Variants in OC90 observed in about 807,000 individuals in gnomAD.
The protein encoded by OC90 is otoconin 90, also known as otoconin-90.
Under a neutral mutation model 47.3 loss-of-function variants are expected in OC90, and 46 were observed. The observed-to-expected ratio is 0.97, with a 90% CI of 0.77 to 1.24. The LOEUF (loss-of-function observed/expected upper bound fraction) is 1.24, where lower values mean the gene tolerates loss of function less well. Ranked by LOEUF, OC90 falls within the 50% of genes most tolerant of loss-of-function variation. OC90 has a pLI of 0.00. For synonymous variants in OC90, 271 were observed against 219.5 expected (o/e 1.23, Z -2.07); for missense variants, 688 against 583.9 (o/e 1.18, Z -1.84).
intron 3 of OC90, among the ~76,000 whole-genome samples, chr8:132,045,058 T>C (rs960776055): frequency 2.0e-5 from 3 of 152,224 alleles, no homozygotes; most frequent in African/African-American, 4.8e-5. Flanking sequence ...TGGCATGCTG[T>C]GTTCCTTAGC....
chr8:132,032,250 G>C (rs1305752120), intron 11 of OC90, among the ~76,000 whole-genome samples, 198 bp from the exon 12 acceptor site: 2 of 152,174 alleles, frequency 1.3e-5, no homozygotes, highest in Admixed American at 6.5e-5. Context: ...GTCTTTCGGA[G>C]AGCAAGTCTT....
intron 3 of OC90, among the ~76,000 whole-genome samples, chr8:132,044,805 G>A (rs1448562469): frequency 6.6e-6 from 1 of 152,212 alleles, no homozygotes; most frequent in Non-Finnish European, 1.5e-5. Context: ...CTCATTCAGT[G>A]TGATGACTCT....
In OC90 at chr8:132,024,553, G is replaced by A. The variant is rs1446583281; in HGVS notation, c.1362C>T (p.Asp454=). Residue 454 remains aspartate, a synonymous_variant, in exon 14 of 14, where the codon GAC becomes GAT. Transcript: ENST00000254627. Reference sequence around the variant, plus strand: ...GCAGAAACCTCTTGGCTCTGCCGAGGTCCTCCTGTGGAGGGTCCTCCTCGC... The same window carrying A: ...GCAGAAACCTCTTGGCTCTGCCGAGATCCTCCTGTGGAGGGTCCTCCTCGC... ...EDSEEDPPQE[D]LGRAKRFLRK... 6.2e-7 allele frequency: 1 copy of A among 1,609,972 alleles called. No individual in the cohort carries two copies. Among genetic ancestry groups the A allele is most frequent in the East Asian group, 2.2e-5 (1 of 44,762 alleles).
chr8:132,046,581 G>A (rs776650453), intron 2 of OC90, among the ~76,000 whole-genome samples: 27 of 152,122 alleles, frequency 1.8e-4, no homozygotes, highest in Admixed American at 1.5e-3. Context: ...ATGCAGCCTG[G>A]GCTAATGGGA....
chr8:132,048,999 C>T (rs1586715170), intron 2 of OC90, among the ~76,000 whole-genome samples: 1 of 151,596 alleles, frequency 6.6e-6, no homozygotes, highest in East Asian at 1.9e-4. Flanking sequence ...AGAGGTAATT[C>T]CATGATGAAT....
chr8:132,050,081 CA>C (rs1344702008), intron 2 of OC90, among the ~76,000 whole-genome samples: 2 of 152,286 alleles, frequency 1.3e-5, no homozygotes, highest in Non-Finnish European at 2.9e-5. Context: ...ACTTAACTCT[CA>C]AAGCCTCATT....
intron 6 of OC90, among the ~76,000 whole-genome samples, chr8:132,039,805 G>A (rs1823026969): frequency 6.6e-6 from 1 of 152,106 alleles, no homozygotes; most frequent in Non-Finnish European, 1.5e-5. Context: ...TGCAAGGATG[G>A]CTTCCTGCCC....
chr8:132,050,769 G>A (rs553291074), intron 2 of OC90, among the ~76,000 whole-genome samples: 1 of 152,248 alleles, frequency 6.6e-6, no homozygotes, highest in Non-Finnish European at 1.5e-5. Flanking sequence ...GGGAGGCCGA[G>A]GCAGGCAGAT....
At chr8:132,050,654 A>C (rs1310863333) in intron 2 of OC90, among the ~76,000 whole-genome samples, 1 of 152,118 alleles carries the variant, frequency 6.6e-6, no homozygotes, top group African/African-American at 2.4e-5. Flanking sequence ...AAATGAGACA[A>C]TTGTATCTGC....
At chr8:132,053,166 C>G (rs1823239005) in intron 2 of OC90, among the ~76,000 whole-genome samples, 1 of 152,086 alleles carries the variant, frequency 6.6e-6, no homozygotes, top group East Asian at 1.9e-4. Flanking sequence ...CTGCCTGACC[C>G]CCAATCTGGC....
Position 132,033,147 on chromosome 8 carries a change from C to A in OC90, c.751G>T (p.Ala251Ser). The change falls in exon 11 of 14, where the codon GCA becomes TCA. Residue 251 changes from alanine to serine, a missense_variant. Ala to Ser is a moderately conservative substitution (Grantham distance 99, BLOSUM62 1). Coordinates refer to ENST00000254627, the MANE Select transcript of OC90 (RefSeq NM_001080399.3). ...ACAATTTTAGCTGTAACCCTTGTTG[C>A]AACTATCTCTGCAGATCCTGAAAAT... The part of the protein sequence containing the change: ...TSPPGSAEIV[A>S]TRVTAKIVTL... 6.2e-7 allele frequency: 1 copy of A among 1,606,306 alleles called. No homozygotes were observed. The highest frequency in any genetic ancestry group is 2.2e-5 in the East Asian group (1 of 44,734).
chr8:132,041,540 A>C lies in OC90; in HGVS notation c.329T>G (p.Val110Gly). The C allele has an allele frequency of 6.2e-7, 1 of 1,611,628 alleles. No homozygotes were observed. Among genetic ancestry groups the C allele is most frequent in the East Asian group, 2.2e-5 (1 of 44,784 alleles). Residue 110 changes from valine (V) to glycine (G), a missense_variant, in exon 5 of 14, where the codon GTG becomes GGG. Transcript: ENST00000254627. ...TCRFEMEGLP[V>G]DESDSCCFQH... ...ACTCACTTACCTGTCAGATTCATCC[A>C]CAGGCAACCCTTCCATCTCAAACCT...
intron 9 of OC90, chr8:132,036,373 T>C (rs776848260): frequency 1.3e-6 from 1 of 780,746 alleles, no homozygotes; most frequent in Non-Finnish European, 2.4e-6. Flanking sequence ...CTGCTTACTT[T>C]TCTTGGAGAG....
intron 9 of OC90, among the ~76,000 whole-genome samples, chr8:132,036,641 C>G (rs1822969091): frequency 6.6e-6 from 1 of 152,222 alleles, no homozygotes; most frequent in Admixed American, 6.5e-5. Context: ...CAAATGCCAT[C>G]TTCAGGGGTG....
chr8:132,040,998 C>T (rs757699808), intron 6 of OC90, 46 bp downstream of exon 6: 3 of 1,152,466 alleles, frequency 2.6e-6, no homozygotes, highest in East Asian at 2.3e-5. Context: ...GATCCCTGGA[C>T]TGTCATTTCT....
At chr8:132,044,614 G>A in intron 3 of OC90, 125 bp from the exon 4 acceptor site, 1 of 633,074 alleles carries the variant, frequency 1.6e-6, no homozygotes. Flanking sequence ...TTGACCTTGG[G>A]CTAAGCTAGC....
chr8:132,047,163 C>T (rs748741492), intron 2 of OC90, among the ~76,000 whole-genome samples: 1 of 152,186 alleles, frequency 6.6e-6, no homozygotes, highest in Non-Finnish European at 1.5e-5. Flanking sequence ...GGAGACAAAA[C>T]CACCACTGGT....
intron 13 of OC90, among the ~76,000 whole-genome samples, chr8:132,028,861 G>A (rs553102898): frequency 1.5e-5 from 2 of 131,638 alleles, no homozygotes; most frequent in African/African-American, 2.9e-5. Context: ...GAAAGAGGAA[G>A]GAAGGAAGGG....
At chr8:132,028,555 AAAGAAAGAAAGGAAGGAAGGAAGGAAGG>A (rs1822801095) in intron 13 of OC90, among the ~76,000 whole-genome samples, 3 of 16,518 alleles carry the variant, frequency 1.8e-4, no homozygotes, top group Non-Finnish European at 2.3e-4. Flanking sequence ...AGAAAGAAAG[AAAGAAAGAAAGGAAGGAAGGAAGGAAGG>A]AAGGAAGGAA....
Sources: allele counts gnomAD v4.1 joint callset (sites outside exome capture counted in the v4.1 genomes callset), GRCh38; gene constraint gnomAD v4.1.1; transcripts MANE v1.5; gene names NCBI Gene and HGNC (gene_info 2026-07-23, HGNC 2026-07-21).